The following CERS6 variants were observed in gnomAD, a reference collection of about 807,000 sequenced individuals.
CERS6 encodes the protein ceramide synthase 6, also known as LAG1 homolog, ceramide synthase 6.
In CERS6, 26 loss-of-function variants were observed where a neutral mutation model predicts 56.8. That is an observed-to-expected ratio of 0.46 (90% CI 0.34 to 0.63). CERS6 has a LOEUF of 0.63. Among genes scored for constraint, CERS6 ranks in the 30% least tolerant of loss-of-function variants. The pLI is 0.01. For synonymous variants in CERS6, 164 were observed against 173.3 expected, an observed-to-expected ratio of 0.95 and a Z score of 0.42; for missense variants, 415 against 467.5, an observed-to-expected ratio of 0.89 and a Z score of 1.04.
chr2:168,636,489 T>C (rs1461129291), intron 4 of CERS6, among the ~76,000 whole-genome samples: 1 of 152,106 alleles, frequency 6.6e-6, no homozygotes, highest in Admixed American at 6.6e-5. Flanking sequence ...TGAAAGCTCA[T>C]TTTTCTCATC....
intron 1 of CERS6, among the ~76,000 whole-genome samples, chr2:168,515,599 C>T (rs1694870960): frequency 6.6e-6 from 1 of 152,094 alleles, no homozygotes; most frequent in South Asian, 2.1e-4. Flanking sequence ...AGGCTTTTGT[C>T]TCAGGAGAAA....
intron 1 of CERS6, among the ~76,000 whole-genome samples, chr2:168,476,749 A>G (rs1013803465): frequency 2.0e-5 from 3 of 151,996 alleles, no homozygotes; most frequent in Non-Finnish European, 4.4e-5. Flanking sequence ...GCTCCAGGAG[A>G]GACAGGAAAT....
At chr2:168,476,769 C>T (rs575992348) in intron 1 of CERS6, among the ~76,000 whole-genome samples, 5 of 152,098 alleles carry the variant, frequency 3.3e-5, no homozygotes, top group Admixed American at 2.6e-4. Flanking sequence ...TCCTTTTCCT[C>T]TGTTTTTTTT....
chr2:168,725,216 C>A (rs1683315413), intron 8 of CERS6, among the ~76,000 whole-genome samples: 1 of 152,274 alleles, frequency 6.6e-6, no homozygotes, highest in Non-Finnish European at 1.5e-5. Context: ...AAGCCCACGC[C>A]CACCCGGAAC....
rs1684948849 is a variant in CERS6, at chr2:168,774,470, C to T, written c.*4808C>T. 6.6e-6 allele frequency: 1 copy of T among 152,150 alleles called. No homozygotes were observed. The highest frequency in any genetic ancestry group is 1.5e-5 in the Non-Finnish European group (1 of 68,018). 9.4% of individuals were successfully genotyped at this position (152,150 alleles called of 1,614,324 possible). On this transcript the variant is annotated 3_prime_UTR_variant, in exon 10 of 10. Transcript: ENST00000305747. ...TTAACACAGGTCCATGAAAGTTTGG[C>T]TTCCTGGTTTGATGTCTGTTGCGTG...
intron 3 of CERS6, among the ~76,000 whole-genome samples, chr2:168,623,299 G>C (rs571356396): frequency 1.3e-5 from 2 of 152,256 alleles, no homozygotes; most frequent in South Asian, 4.1e-4. Flanking sequence ...CAAACTTGTA[G>C]TTATAAGATG....
At chr2:168,599,111 T>C (rs1000343180) in intron 3 of CERS6, among the ~76,000 whole-genome samples, 4 of 152,210 alleles carry the variant, frequency 2.6e-5, no homozygotes, top group African/African-American at 9.6e-5. Context: ...CTGCCAACTC[T>C]GTTTTCAACA....
chr2:168,526,809 A>G (rs1443881148), intron 1 of CERS6, among the ~76,000 whole-genome samples: 1 of 152,224 alleles, frequency 6.6e-6, no homozygotes, highest in Non-Finnish European at 1.5e-5. Context: ...GAGAAAATAA[A>G]TGTCCTGGTC....
intron 8 of CERS6, among the ~76,000 whole-genome samples, chr2:168,733,872 T>G (rs995387648): frequency 1.7e-5 from 2 of 118,252 alleles, no homozygotes; most frequent in Admixed American, 1.0e-4. Flanking sequence ...TTCTCAGGCC[T>G]TCTCTTGAAC....
chr2:168,581,714 G>C (rs1683416057), intron 3 of CERS6, among the ~76,000 whole-genome samples: 1 of 152,032 alleles, frequency 6.6e-6, no homozygotes, highest in Admixed American at 6.5e-5. Flanking sequence ...TTTTTACATA[G>C]GGGAAGCATA....
At chr2:168,590,051 C>T (rs1683636091) in intron 3 of CERS6, among the ~76,000 whole-genome samples, 1 of 152,162 alleles carries the variant, frequency 6.6e-6, no homozygotes, top group African/African-American at 2.4e-5. Context: ...AGAGAAGACT[C>T]CAGAAGTGCT....
chr2:168,508,716 T>TG (rs1694724778), intron 1 of CERS6, among the ~76,000 whole-genome samples: 1 of 133,130 alleles, frequency 7.5e-6, no homozygotes, highest in Non-Finnish European at 1.6e-5. Flanking sequence ...TGTCGGGGGG[T>TG]GGGGGGTAGG....
Position 168,564,308 on chromosome 2 carries a change from A to G in CERS6, c.407+2986A>G, listed in dbSNP as rs79384783. Among the ~76,000 whole-genome samples, 829 of 152,234 alleles carry G rather than the reference A, an allele frequency of 5.4e-3. 6 individuals carry two copies. Among genetic ancestry groups the G allele is most frequent in the African/African-American group, 0.019 (774 of 41,526 alleles). On this transcript the variant is annotated intron_variant, in intron 3 of 9. Coordinates refer to ENST00000305747, the MANE Select transcript of CERS6 (RefSeq NM_203463.3). The stretch of plus-strand genomic sequence containing the variant: ...ATTGTTTTTATGCTTCCGTTTTGTC[A>G]TAGGCTGGAAACTCAAGTCAATCAG...
chr2:168,592,123 T>C (rs1255014101), intron 3 of CERS6, among the ~76,000 whole-genome samples: 1 of 152,162 alleles, frequency 6.6e-6, no homozygotes, highest in Non-Finnish European at 1.5e-5. Flanking sequence ...ATGGGAGGAA[T>C]GTGTATTATT....
At chr2:168,742,732 G>A (rs1438256551) in intron 8 of CERS6, among the ~76,000 whole-genome samples, 3 of 152,204 alleles carry the variant, frequency 2.0e-5, no homozygotes, top group African/African-American at 7.2e-5. Context: ...CAGAAAGATT[G>A]ATGGACAGGA....
At chr2:168,591,681 C>T (rs932430930) in intron 3 of CERS6, among the ~76,000 whole-genome samples, 1 of 152,182 alleles carries the variant, frequency 6.6e-6, no homozygotes, top group African/African-American at 2.4e-5. Context: ...TAGCAAAAGA[C>T]TTTCTTTCAC....
chr2:168,589,539 A>G (rs1449877644), intron 3 of CERS6, among the ~76,000 whole-genome samples: 3 of 152,194 alleles, frequency 2.0e-5, no homozygotes, highest in Non-Finnish European at 4.4e-5. Flanking sequence ...GAGCTTTTTT[A>G]CCCAGTTCCA....
At chr2:168,583,908 C>A (rs188993078) in intron 3 of CERS6, among the ~76,000 whole-genome samples, 145 of 152,288 alleles carry the variant, frequency 9.5e-4, no homozygotes, top group African/African-American at 3.4e-3. Context: ...GCCATCATGA[C>A]CTGGCCTTTT....
chr2:168,672,548 A>G (rs1024002949), intron 4 of CERS6, among the ~76,000 whole-genome samples: 33 of 152,230 alleles, frequency 2.2e-4, no homozygotes, highest in Admixed American at 3.9e-4. Context: ...TCATAGATAT[A>G]GGTTGGTCAG....
Sources: allele counts gnomAD v4.1 joint callset (sites outside exome capture counted in the v4.1 genomes callset), GRCh38; gene constraint gnomAD v4.1.1; transcripts MANE v1.5; gene names NCBI Gene and HGNC (gene_info 2026-07-23, HGNC 2026-07-21).